The following HEMK2 variants were observed in gnomAD, a reference collection of about 807,000 sequenced individuals.
HEMK2 encodes the protein methyltransferase HEMK2.
the HEMK2 span, among the ~76,000 whole-genome samples, chr21:28,808,499 T>C: frequency 3.3e-5 from 5 of 151,978 alleles, no homozygotes; most frequent in African/African-American, 9.7e-5. Flanking sequence ...CTCAACAATA[T>C]TGAATGTTTC....
the HEMK2 span, among the ~76,000 whole-genome samples, chr21:28,715,973 G>A: frequency 5.3e-5 from 8 of 152,104 alleles, no homozygotes; most frequent in African/African-American, 1.4e-4. Flanking sequence ...TTATTTCTGG[G>A]TTATCCATTC....
At chr21:28,741,638 AG>A in the HEMK2 span, among the ~76,000 whole-genome samples, 2 of 152,160 alleles carry the variant, frequency 1.3e-5, no homozygotes, top group Admixed American at 1.3e-4. Flanking sequence ...CTTATAAGTG[AG>A]AACATGTGGT....
At chr21:28,690,883 A>G in the HEMK2 span, among the ~76,000 whole-genome samples, 1 of 151,876 alleles carries the variant, frequency 6.6e-6, no homozygotes, top group Non-Finnish European at 1.5e-5. Context: ...AGCCATTTTA[A>G]CCTGTAGAGC....
At chr21:28,851,814 C>CTG in the HEMK2 span, among the ~76,000 whole-genome samples, 1 of 152,190 alleles carries the variant, frequency 6.6e-6, no homozygotes, top group Non-Finnish European at 1.5e-5. Flanking sequence ...CTAATACACC[C>CTG]TGATGTAGGA....
the HEMK2 span, among the ~76,000 whole-genome samples, chr21:28,589,784 T>C: frequency 2.6e-5 from 4 of 152,174 alleles, no homozygotes; most frequent in African/African-American, 7.2e-5. Flanking sequence ...TCATTACTAA[T>C]TCAAAAATTC....
chr21:28,743,564 T>G, the HEMK2 span, among the ~76,000 whole-genome samples: 2 of 147,602 alleles, frequency 1.4e-5, no homozygotes, highest in Admixed American at 6.7e-5. Flanking sequence ...AAAAAGAGAG[T>G]GAAGGAAGGA....
the HEMK2 span, among the ~76,000 whole-genome samples, chr21:28,609,760 G>A: frequency 6.6e-6 from 1 of 151,844 alleles, no homozygotes; most frequent in African/African-American, 2.4e-5. Flanking sequence ...TTAGAGAAAT[G>A]TAAAATGCAC....
the HEMK2 span, among the ~76,000 whole-genome samples, chr21:28,857,385 G>A: frequency 1.3e-5 from 2 of 152,128 alleles, no homozygotes; most frequent in African/African-American, 4.8e-5. Context: ...AAGATTCTTC[G>A]TTGAAAGGAT....
At chr21:28,591,091 C>T in the HEMK2 span, among the ~76,000 whole-genome samples, 7 of 152,302 alleles carry the variant, frequency 4.6e-5, no homozygotes, top group Admixed American at 4.6e-4. Context: ...TATTCCTTCA[C>T]AACTATTTGG....
the HEMK2 span, among the ~76,000 whole-genome samples, chr21:28,681,332 T>A: frequency 5.3e-5 from 8 of 151,986 alleles, no homozygotes; most frequent in Admixed American, 5.2e-4. Flanking sequence ...TACCTAGGAA[T>A]CCAATTTACA....
the HEMK2 span, among the ~76,000 whole-genome samples, chr21:28,584,391 T>G: frequency 6.6e-6 from 1 of 152,230 alleles, no homozygotes; most frequent in Non-Finnish European, 1.5e-5. Context: ...GTTATAGTTC[T>G]GCTCATAGCT....
chr21:28,591,517 G>C, the HEMK2 span, among the ~76,000 whole-genome samples: 92 of 152,310 alleles, frequency 6.0e-4, no homozygotes, highest in Middle Eastern at 3.4e-3. Context: ...GAGTCCATCA[G>C]TAAGTTGAAC....
the HEMK2 span, among the ~76,000 whole-genome samples, chr21:28,757,652 C>T: frequency 3.3e-5 from 5 of 152,152 alleles, no homozygotes; most frequent in Non-Finnish European, 5.9e-5. Context: ...ACACAACAAT[C>T]GACAGCAGAT....
At chr21:28,832,196 C>T in the HEMK2 span, among the ~76,000 whole-genome samples, 1 of 152,160 alleles carries the variant, frequency 6.6e-6, no homozygotes, top group African/African-American at 2.4e-5. Flanking sequence ...AGTATCCTTC[C>T]CTGGAAAGGG....
chr21:28,692,904 C>T, the HEMK2 span, among the ~76,000 whole-genome samples: 1 of 152,124 alleles, frequency 6.6e-6, no homozygotes, highest in Non-Finnish European at 1.5e-5. Context: ...CAAAAGGCCA[C>T]ATTTTGTATG....
At chr21:28,884,727 G>A in the HEMK2 span, among the ~76,000 whole-genome samples, 6 of 152,188 alleles carry the variant, frequency 3.9e-5, no homozygotes, top group Non-Finnish European at 4.4e-5. Flanking sequence ...ATGCTATTCA[G>A]TGGGTTTAAA....
At chr21:28,713,283 C>T in the HEMK2 span, among the ~76,000 whole-genome samples, 3 of 152,138 alleles carry the variant, frequency 2.0e-5, no homozygotes, top group Admixed American at 6.5e-5. Flanking sequence ...CATCTCTCAC[C>T]GGGAGGACAG....
At chr21:28,608,317 C>A in the HEMK2 span, among the ~76,000 whole-genome samples, 3,236 of 150,234 alleles carry the variant, frequency 0.022, 119 homozygotes, top group African/African-American at 0.075. Flanking sequence ...GTATCAATTG[C>A]ATTTTTTAAT....
the HEMK2 span, among the ~76,000 whole-genome samples, chr21:28,679,957 T>C: frequency 7.2e-5 from 11 of 152,046 alleles, no homozygotes; most frequent in South Asian, 1.5e-3. Context: ...AGGAAAGATC[T>C]AAAATTGACA....
Sources: gnomAD v4.1 joint callset for allele counts (sites outside exome capture counted in the v4.1 genomes callset) on GRCh38, gnomAD v4.1.1 for gene constraint, MANE v1.5 for transcripts, NCBI Gene and HGNC (gene_info 2026-07-23, HGNC 2026-07-21) for gene names.